YES1: variants seen among roughly 807,000 people sequenced by gnomAD.
The protein encoded by YES1 is YES proto-oncogene 1, Src family tyrosine kinase.
YES1 carries 39 observed loss-of-function variants against 70.4 expected under a neutral mutation model. The ratio of observed to expected loss-of-function variants is 0.55; its 90% confidence interval spans 0.43 to 0.72. The LOEUF is 0.72. YES1 is among the 30% of genes least tolerant of loss of function. The pLI is 0.00. For synonymous variants in YES1, 198 were observed against 218.6 expected (o/e 0.91, Z 0.83); for missense variants, 495 against 644.8 (o/e 0.77, Z 2.52).
chr18:725,434 ATTACTAT>A (rs951070503), intron 11 of YES1, among the ~76,000 whole-genome samples: 45 of 152,292 alleles, frequency 3.0e-4, no homozygotes, highest in African/African-American at 1.1e-3. Context: ...GGGTTAAATC[ATTACTAT>A]TTAGATTTTT....
chr18:812,280 G>A (rs1428649107), upstream of YES1: 3 of 151,816 alleles, frequency 2.0e-5, no homozygotes, highest in Non-Finnish European at 4.4e-5. Flanking sequence ...TCAGGAGGAG[G>A]GAGTTCCCGG....
intron 10 of YES1, among the ~76,000 whole-genome samples, chr18:734,928 C>T (rs769143881): frequency 2.0e-5 from 3 of 152,080 alleles, no homozygotes; most frequent in East Asian, 1.9e-4. Context: ...GAAGCCAAGG[C>T]GTGTGGATCA....
At chr18:760,596 G>C (rs1378699616) in intron 1 of YES1, among the ~76,000 whole-genome samples, 2 of 152,090 alleles carry the variant, frequency 1.3e-5, no homozygotes, top group African/African-American at 2.4e-5. Context: ...TGGGGATTTT[G>C]GTATCCACAG....
chr18:744,962 C>T (rs2080262309), intron 6 of YES1, among the ~76,000 whole-genome samples: 1 of 151,936 alleles, frequency 6.6e-6, no homozygotes, highest in Non-Finnish European at 1.5e-5. Context: ...CTAAAATAAC[C>T]ACATAAATTC....
intron 4 of YES1, among the ~76,000 whole-genome samples, chr18:747,089 A>C (rs1366782698): frequency 6.6e-6 from 1 of 152,238 alleles, no homozygotes; most frequent in Non-Finnish European, 1.5e-5. Context: ...ACTGAAAGTA[A>C]TATTCTTTCA....
intron 1 of YES1, among the ~76,000 whole-genome samples, chr18:771,966 G>A (rs986538534): frequency 1.3e-5 from 2 of 152,062 alleles, no homozygotes; most frequent in African/African-American, 2.4e-5. Flanking sequence ...ATAAGGAAGA[G>A]GCAAGAATTT....
At chr18:806,052 C>A in intron 1 of YES1, among the ~76,000 whole-genome samples, 1 of 152,284 alleles carries the variant, frequency 6.6e-6, no homozygotes, top group East Asian at 1.9e-4. Flanking sequence ...AGCAAAAGTA[C>A]ACCTATGAAT....
intron 1 of YES1, among the ~76,000 whole-genome samples, chr18:771,210 T>G (rs1297674745): frequency 6.6e-6 from 1 of 151,812 alleles, no homozygotes; most frequent in African/African-American, 2.4e-5. Flanking sequence ...CTACTAAAAA[T>G]ACAAAAATAA....
intron 1 of YES1, among the ~76,000 whole-genome samples, chr18:758,555 G>T (rs1346314040): frequency 1.3e-5 from 2 of 151,984 alleles, no homozygotes; most frequent in Admixed American, 6.6e-5. Flanking sequence ...TCTGTTCCAA[G>T]TATTCTCCCC....
chr18:767,567 A>G (rs116151031), intron 1 of YES1, among the ~76,000 whole-genome samples: 2,496 of 152,306 alleles, frequency 0.016, 63 homozygotes, highest in African/African-American at 0.057. Flanking sequence ...TTAACCATGT[A>G]TGTGTGTAGG....
intron 1 of YES1, among the ~76,000 whole-genome samples, chr18:761,839 G>A (rs1904608788): frequency 6.6e-6 from 1 of 152,174 alleles, no homozygotes; most frequent in Non-Finnish European, 1.5e-5. Flanking sequence ...ACATTTTTAA[G>A]TAAATTTCAG....
intron 1 of YES1, among the ~76,000 whole-genome samples, chr18:783,175 G>C (rs1905762040): frequency 6.6e-6 from 1 of 152,040 alleles, no homozygotes. Context: ...CTTGAGCCCA[G>C]GAATTTGAGT....
At chr18:792,052 T>C (rs1050551759) in intron 1 of YES1, among the ~76,000 whole-genome samples, 1 of 152,214 alleles carries the variant, frequency 6.6e-6, no homozygotes, top group Non-Finnish European at 1.5e-5. Context: ...CACTGTTCTA[T>C]GCTTTTCTAC....
At chr18:770,107 G>C (rs369950289) in intron 1 of YES1, among the ~76,000 whole-genome samples, 3 of 151,726 alleles carry the variant, frequency 2.0e-5, no homozygotes, top group South Asian at 2.1e-4. Context: ...GTACAGGCAC[G>C]CGCCACCACA....
At chr18:727,574 CCT>C (rs1292283242) in intron 11 of YES1, among the ~76,000 whole-genome samples, 2 of 136,266 alleles carry the variant, frequency 1.5e-5, no homozygotes, top group African/African-American at 5.7e-5. Context: ...TTTTTTCTCT[CCT>C]CTGTTGGCTT....
At chr18:803,816 A>C (rs189215905) in intron 1 of YES1, among the ~76,000 whole-genome samples, 237 of 152,328 alleles carry the variant, frequency 1.6e-3, no homozygotes, top group South Asian at 4.1e-3. Context: ...TCAGCAGTTA[A>C]CAAAAACCAG....
intron 1 of YES1, among the ~76,000 whole-genome samples, chr18:770,837 T>C (rs1447876005): frequency 1.3e-5 from 2 of 152,108 alleles, no homozygotes; most frequent in Non-Finnish European, 2.9e-5. Flanking sequence ...GTAAACTCCA[T>C]CATGGTCACT....
At chr18:758,608 T>C (rs1327162678) in intron 1 of YES1, among the ~76,000 whole-genome samples, 2 of 152,228 alleles carry the variant, frequency 1.3e-5, no homozygotes, top group Non-Finnish European at 2.9e-5. Context: ...CTGATGGTCA[T>C]CACAAATGTT....
Position 724,241 on chromosome 18 carries a change from T to C in YES1, c.*183A>G. On this transcript the variant is annotated 3_prime_UTR_variant, in exon 12 of 12. Transcript: ENST00000314574. The stretch of plus-strand genomic sequence containing the variant: ...TGAAATACGCTGATAAATTCATCAT[T>C]GGTACATTAGAGTTTAATACTTGGG... 3.4e-6 allele frequency: 2 copies of C among 596,260 alleles called. No homozygotes were observed. The highest frequency in any genetic ancestry group is 5.9e-6 in the Non-Finnish European group (2 of 339,680). The allele number at this position is 596,260 out of a possible 1,614,324, so 36.9% of individuals were successfully genotyped here.
Sources: gnomAD v4.1 joint callset for allele counts (sites outside exome capture counted in the v4.1 genomes callset) on GRCh38, gnomAD v4.1.1 for gene constraint, MANE v1.5 for transcripts, NCBI Gene and HGNC (gene_info 2026-07-23, HGNC 2026-07-21) for gene names.